Variants in TTC13 observed in about 807,000 individuals in gnomAD.
TTC13 encodes tetratricopeptide repeat protein 13.
A neutral mutation model predicts 120.0 loss-of-function variants in TTC13; 62 were observed. The observed-to-expected ratio is 0.52, with a 90% CI of 0.42 to 0.64. The LOEUF is 0.64. Among genes scored for constraint, TTC13 ranks in the 30% least tolerant of loss-of-function variants. The pLI is 0.00. For missense variants in TTC13, 824 were observed against 1,050.2 expected (o/e 0.78, Z 2.98); for synonymous variants, 384 against 393.5 (o/e 0.98, Z 0.28).
intron 18 of TTC13, among the ~76,000 whole-genome samples, chr1:230,913,246 A>G (rs1034470856): frequency 6.6e-6 from 1 of 152,218 alleles, no homozygotes; most frequent in Admixed American, 6.5e-5. Flanking sequence ...TAAGTTTGAT[A>G]CAACAGGCAT....
At chr1:230,947,442 A>G (rs1453981758) in intron 4 of TTC13, among the ~76,000 whole-genome samples, 1 of 152,168 alleles carries the variant, frequency 6.6e-6, no homozygotes, top group Non-Finnish European at 1.5e-5. Flanking sequence ...CGGTAAGCCC[A>G]GTGAGCTCAT....
Position 230,921,612 on chromosome 1 carries a change from T to C in TTC13, c.1815-108A>G, listed in dbSNP as rs1672584390. ...AAAAAATAAGAAACTATGAGAATAA[T>C]GTAGAAAAAAAAAGTCTGGGAAATT... On this transcript the variant is annotated intron_variant, in intron 15 of 22. Transcript: ENST00000366661. The C allele has an allele frequency of 3.5e-5, 22 of 632,864 alleles. No homozygotes were observed. In the South Asian group the frequency reaches 4.7e-4, roughly 14 times the overall value. The allele number at this position is 632,864 out of a possible 1,614,324, so 39.2% of individuals were successfully genotyped here.
Position 230,978,085 on chromosome 1 carries a change from G to A in TTC13, c.271+475C>T, listed in dbSNP as rs999162093. On this transcript the variant is annotated intron_variant, in intron 1 of 22. Transcript: ENST00000366661. This position sits in a 1 kb window ranked among gnomAD's most constrained non-coding sequence, Gnocchi z 5.6. ...TGTTGTATACGAGACATTAACCCGG[G>A]AGGTCAGGAAGCCTGATTTCCAGGC... 2.0e-5 allele frequency among the ~76,000 whole-genome samples: 3 copies of A among 152,236 alleles called. No homozygotes were observed. The highest frequency in any genetic ancestry group is 4.4e-5 in the Non-Finnish European group (3 of 68,044).
At position 230,921,502 on chromosome 1, in the gene TTC13, C is replaced by T. The variant is rs1291332505; in HGVS notation, c.1817G>A (p.Gly606Asp). The change falls in exon 16 of 23, where the codon GGT (glycine) becomes GAT (aspartate). Residue 606 changes from glycine to aspartate, a missense_variant and splice_region_variant. Gly to Asp is a moderately conservative substitution (Grantham distance 94). Around this residue, in one of 4 missense-constraint regions of TTC13, gnomAD observed 430 missense variants for 626.8 expected, o/e 0.69. Transcript: ENST00000366661. ...TAGGTATCTCATGTTGATCACCTGACCCCTATAAGGCAAAAATAATAAAAT... is the reference window on the plus strand; with the variant it reads ...TAGGTATCTCATGTTGATCACCTGATCCCTATAAGGCAAAAATAATAAAAT... Reference protein sequence around the residue: ...GFNNHINLIRGQVINMRYLEY... With the variant: ...GFNNHINLIRDQVINMRYLEY... 6.8e-7 allele frequency: 1 copy of T among 1,474,904 alleles called. No homozygotes were observed. Among genetic ancestry groups the T allele is most frequent in the Non-Finnish European group, 9.2e-7 (1 of 1,085,458 alleles). 91.4% of individuals were successfully genotyped at this position (1,474,904 alleles called of 1,614,324 possible). A position where few individuals can be genotyped will look rare whatever the true frequency, so the allele number is the denominator to read the frequency against.
At chr1:230,933,275 CT>C (rs879851342) in intron 9 of TTC13, among the ~76,000 whole-genome samples, 296 of 145,140 alleles carry the variant, frequency 2.0e-3, no homozygotes, top group Non-Finnish European at 2.1e-3. Context: ...TCCCGGCTTA[CT>C]TTTTTTTTTT....
intron 19 of TTC13, 47 bp from the exon 20 acceptor site, chr1:230,911,596 C>G: frequency 7.8e-7 from 1 of 1,281,814 alleles, no homozygotes. Context: ...AGATTACAAA[C>G]TAATTTTTCA....
At chr1:230,943,116 T>A (rs1204458128) in intron 6 of TTC13, among the ~76,000 whole-genome samples, 1 of 152,238 alleles carries the variant, frequency 6.6e-6, no homozygotes, top group African/African-American at 2.4e-5. Context: ...AACAGTCATA[T>A]CAAGTCTTGC....
chr1:230,958,698 T>C (rs564204372), intron 2 of TTC13, among the ~76,000 whole-genome samples: 24 of 152,336 alleles, frequency 1.6e-4, no homozygotes, highest in African/African-American at 5.5e-4. Context: ...CCTTAATAAA[T>C]TGCTTAGATA....
chr1:230,955,739 A>G (rs1676024290), intron 3 of TTC13, among the ~76,000 whole-genome samples: 1 of 152,114 alleles, frequency 6.6e-6, no homozygotes, highest in East Asian at 1.9e-4. Context: ...AGTTTAAAAT[A>G]CATTCATAAA....
At chr1:230,950,020 T>G (rs1675424477) in intron 4 of TTC13, among the ~76,000 whole-genome samples, 1 of 152,228 alleles carries the variant, frequency 6.6e-6, no homozygotes, top group African/African-American at 2.4e-5. Flanking sequence ...GGCTGTTATA[T>G]CTACAGTCTA....
intron 1 of TTC13, among the ~76,000 whole-genome samples, chr1:230,963,611 G>C (rs112235413): frequency 0.037 from 5,595 of 150,522 alleles, 354 homozygotes; most frequent in African/African-American, 0.13. Context: ...CTCCAGTCTG[G>C]ATGACAGAGT....
At chr1:230,951,785 AT>A (rs1675611263) in intron 4 of TTC13, among the ~76,000 whole-genome samples, 1 of 152,228 alleles carries the variant, frequency 6.6e-6, no homozygotes, top group Non-Finnish European at 1.5e-5. Context: ...GATTTAGAGA[AT>A]AATCATGTGT....
chr1:230,971,345 CAAAAAAAAAAA>C (rs11453211), intron 1 of TTC13, among the ~76,000 whole-genome samples: 1 of 80,824 alleles, frequency 1.2e-5, no homozygotes, highest in African/African-American at 4.6e-5. Context: ...GACTCCATCT[CAAAAAAAAAAA>C]AAAAAAAAAA....
chr1:230,932,628 T>C (rs910755798), intron 9 of TTC13, among the ~76,000 whole-genome samples: 1 of 152,204 alleles, frequency 6.6e-6, no homozygotes, highest in Non-Finnish European at 1.5e-5. Flanking sequence ...CAAGGTGCTT[T>C]CAAATCTGTT....
chr1:230,947,200 C>CA (rs1386030628), intron 4 of TTC13, among the ~76,000 whole-genome samples: 3 of 152,104 alleles, frequency 2.0e-5, no homozygotes, highest in Admixed American at 2.0e-4. Context: ...CCTGCCCCCC[C>CA]AGAGATAAGC....
intron 11 of TTC13, among the ~76,000 whole-genome samples, chr1:230,930,683 G>C (rs1673461591): frequency 6.6e-6 from 1 of 152,198 alleles, no homozygotes; most frequent in Non-Finnish European, 1.5e-5. Flanking sequence ...ACTTTGGGAG[G>C]CCGAGGCAGG....
At chr1:230,934,640 G>A (rs1331707794) in intron 8 of TTC13, among the ~76,000 whole-genome samples, 1 of 152,132 alleles carries the variant, frequency 6.6e-6, no homozygotes, top group Non-Finnish European at 1.5e-5. Context: ...AACATTAAAT[G>A]TACTTTTCAC....
rs34062590 is a variant in TTC13, at chr1:230,932,296, A to ATT, written c.984-421_984-420dup. Among the ~76,000 whole-genome samples, 494 of 146,654 alleles carry ATT rather than the reference A, an allele frequency of 3.4e-3. 2 individuals carry two copies. Among genetic ancestry groups the ATT allele is most frequent in the African/African-American group, 9.8e-3 (392 of 40,046 alleles). ...ATCAAATTCATAGCCTTAAAAATGC[A>ATT]TTTTTTTTTTTTTTGGTCACCAAAG... On this transcript the variant is annotated intron_variant, in intron 9 of 22. Coordinates refer to ENST00000366661, the MANE Select transcript of TTC13 (RefSeq NM_024525.5).
intron 20 of TTC13, among the ~76,000 whole-genome samples, chr1:230,910,889 C>T (rs1420649744): frequency 2.0e-5 from 3 of 152,234 alleles, no homozygotes. Context: ...TTAAGTTCAA[C>T]TATGTGCCAG....
Sources: allele counts gnomAD v4.1 joint callset (sites outside exome capture counted in the v4.1 genomes callset), GRCh38; gene constraint gnomAD v4.1.1; regional missense constraint gnomAD v4.1.1; non-coding constraint Gnocchi (gnomAD v3.1); transcripts MANE v1.5; gene names NCBI Gene and HGNC (gene_info 2026-07-23, HGNC 2026-07-21).